Variants in MRE11 observed in about 807,000 individuals in gnomAD.
MRE11 encodes the protein double-strand break repair protein MRE11.
A neutral mutation model predicts 91.7 loss-of-function variants in MRE11; 62 were observed. The observed-to-expected ratio is 0.68, with a 90% CI of 0.55 to 0.84. MRE11 has a LOEUF of 0.84. MRE11 is among the 40% of genes least tolerant of loss of function. The pLI is 0.00. For missense variants in MRE11, 796 were observed against 852.9 expected, an observed-to-expected ratio of 0.93 and a Z score of 0.83; for synonymous variants, 273 against 271.4, an observed-to-expected ratio of 1.01 and a Z score of -0.06.
At chr11:94,466,865 C>T (rs13447637) in intron 10 of MRE11, among the ~76,000 whole-genome samples, 4,413 of 152,212 alleles carry the variant, frequency 0.029, 231 homozygotes, top group African/African-American at 0.1. Context: ...TCAGGGGACT[C>T]CTGGAGATAC....
chr11:94,462,743 C>T (rs1946454703), intron 11 of MRE11, among the ~76,000 whole-genome samples: 2 of 152,208 alleles, frequency 1.3e-5, no homozygotes, highest in Admixed American at 1.3e-4. Context: ...AAAGCTGAAA[C>T]TGGATCCCTT....
chr11:94,471,059 A>G (rs1278912364), intron 8 of MRE11, among the ~76,000 whole-genome samples: 3 of 152,056 alleles, frequency 2.0e-5, no homozygotes, highest in Non-Finnish European at 4.4e-5. Context: ...TTCTACTACC[A>G]TATTCTTTAA....
In MRE11 at chr11:94,430,485, C is replaced by CTT. The variant is rs56158500; in HGVS notation, c.1995-501_1995-500dup. Among the ~76,000 whole-genome samples, 17 of 143,942 alleles carry CTT rather than the reference C, an allele frequency of 1.2e-4. No homozygotes were observed. In the East Asian group the frequency reaches 1.2e-3, roughly 10 times the overall value. 94.4% of individuals were successfully genotyped at this position (143,942 alleles called of 152,430 possible). A position where few individuals can be genotyped will look rare whatever the true frequency, so the allele number is the denominator to read the frequency against. ...AATCATAATTCCTACTCTTTTTACT[C>CTT]TTTTTTTTTTTTTTGAGATGGAGTC... On this transcript the variant is annotated intron_variant, in intron 18 of 19. Transcript: ENST00000323929.
At chr11:94,468,975 G>A (rs1482217100) in intron 9 of MRE11, among the ~76,000 whole-genome samples, 2 of 152,106 alleles carry the variant, frequency 1.3e-5, no homozygotes, top group Non-Finnish European at 2.9e-5. Flanking sequence ...TGCTGAGACA[G>A]AAAAGTAAGA....
chr11:94,467,087 C>T (rs1426423055), intron 10 of MRE11, among the ~76,000 whole-genome samples: 1 of 152,122 alleles, frequency 6.6e-6, no homozygotes, highest in Non-Finnish European at 1.5e-5. Context: ...ATGGTGAAGT[C>T]AGAGCCTTGG....
At chr11:94,458,146 A>G (rs1209590879) in intron 13 of MRE11, among the ~76,000 whole-genome samples, 1 of 151,846 alleles carries the variant, frequency 6.6e-6, no homozygotes, top group Non-Finnish European at 1.5e-5. Flanking sequence ...CTTTAAGAGA[A>G]CCATGTTAAC....
At chr11:94,469,152 G>A (rs965322022) in intron 9 of MRE11, among the ~76,000 whole-genome samples, 7 of 152,104 alleles carry the variant, frequency 4.6e-5, no homozygotes, top group African/African-American at 7.2e-5. Context: ...TGTCACCAGC[G>A]TCTACTTTCC....
intron 14 of MRE11, 80 bp downstream of exon 14, chr11:94,456,196 A>G (rs902270084): frequency 3.3e-5 from 44 of 1,344,928 alleles, no homozygotes; most frequent in Non-Finnish European, 8.4e-6. Context: ...CTATGGACTG[A>G]CTATTCTAAC....
chr11:94,440,430 T>TA (rs34587826), intron 16 of MRE11, among the ~76,000 whole-genome samples: 69,385 of 145,482 alleles, frequency 0.48, 16,111 homozygotes, highest in South Asian at 0.57. Context: ...CTCAAACATT[T>TA]AAAAAAAAAA....
At chr11:94,502,191 T>C in the MRE11 span, among the ~76,000 whole-genome samples, 1 of 152,230 alleles carries the variant, frequency 6.6e-6, no homozygotes, top group Non-Finnish European at 1.5e-5. Flanking sequence ...TTATAGAACT[T>C]ACACGGATTG....
At chr11:94,424,029 C>T (rs1386658742) in intron 19 of MRE11, among the ~76,000 whole-genome samples, 1 of 152,204 alleles carries the variant, frequency 6.6e-6, no homozygotes, top group African/African-American at 2.4e-5. Flanking sequence ...AGACACCAAA[C>T]AACAGTAATG....
chr11:94,480,027 T>C (rs574579623), intron 4 of MRE11, among the ~76,000 whole-genome samples: 1 of 152,314 alleles, frequency 6.6e-6, no homozygotes, highest in Non-Finnish European at 1.5e-5. Flanking sequence ...ATCTAATTAA[T>C]GAAAAGTTAA....
At position 94,461,020 on chromosome 11, in the gene MRE11, A is replaced by G. The variant is rs1006733655; in HGVS notation, c.1242T>C (p.Phe414=). The change falls in exon 12 of 20, where the codon TTT becomes TTC. Residue 414 remains phenylalanine (F), a synonymous_variant. Coordinates refer to ENST00000323929, the MANE Select transcript of MRE11 (RefSeq NM_005591.4). ...QKEKTGEEIN[F]GKLITKPSEG... The stretch of plus-strand genomic sequence containing the variant: ...CTGAAGGCTTTGTGATAAGTTTCCC[A>G]AAGTTGATCTCTTCTCCTAGAAAAA... 2.5e-6 allele frequency: 4 copies of G among 1,613,174 alleles called. No individual in the cohort carries two copies. In the African/African-American group the frequency reaches 4.0e-5, roughly 16 times the overall value.
At chr11:94,488,695 T>C (rs971070077) in intron 3 of MRE11, among the ~76,000 whole-genome samples, 2 of 152,014 alleles carry the variant, frequency 1.3e-5, no homozygotes, top group Non-Finnish European at 2.9e-5. Context: ...AGCAAACTAA[T>C]GGAGGAACAG....
At chr11:94,456,437 CT>C in intron 13 of MRE11, 99 bp from the exon 14 acceptor site, 1 of 948,352 alleles carries the variant, frequency 1.1e-6, no homozygotes, top group Non-Finnish European at 1.6e-6. Flanking sequence ...TGTTATAAAA[CT>C]TGCAAATTTA....
Position 94,415,711 on chromosome 11 carries a change from T to A in MRE11, c.*4414A>T, listed in dbSNP as rs1945019963. The A allele has an allele frequency of 6.6e-6, 1 of 152,184 alleles. No individual in the cohort carries two copies. The highest frequency in any genetic ancestry group is 2.1e-4 in the South Asian group (1 of 4,826). The allele number at this position is 152,184 out of a possible 1,614,324, so 9.4% of individuals were successfully genotyped here. On this transcript the variant is annotated 3_prime_UTR_variant, in exon 20 of 20. Coordinates refer to ENST00000323929, the MANE Select transcript of MRE11 (RefSeq NM_005591.4). ...GTTTAATTAAGAGGTTGATAAAGCATATGTAGAAAAGTCAGAATGTCAAAA... is the reference window on the plus strand; with the variant it reads ...GTTTAATTAAGAGGTTGATAAAGCAAATGTAGAAAAGTCAGAATGTCAAAA...
intron 3 of MRE11, among the ~76,000 whole-genome samples, chr11:94,488,082 AG>A (rs889601467): frequency 1.9e-4 from 29 of 152,328 alleles, no homozygotes; most frequent in African/African-American, 6.0e-4. Flanking sequence ...TAAGGGACGC[AG>A]GGAAGAGAAA....
chr11:94,443,770 A>G (rs1291023989), intron 16 of MRE11, among the ~76,000 whole-genome samples: 1 of 152,204 alleles, frequency 6.6e-6, no homozygotes, highest in Non-Finnish European at 1.5e-5. Context: ...TAGAGAATCC[A>G]TAAGCCAAAA....
chr11:94,470,857 T>C (rs1470933962), intron 8 of MRE11, among the ~76,000 whole-genome samples: 1 of 152,086 alleles, frequency 6.6e-6, no homozygotes, highest in East Asian at 1.9e-4. Context: ...ACTCATCCAT[T>C]ATTATCCCTG....
Sources: allele counts gnomAD v4.1 joint callset (sites outside exome capture counted in the v4.1 genomes callset), GRCh38; gene constraint gnomAD v4.1.1; transcripts MANE v1.5; gene names NCBI Gene and HGNC (gene_info 2026-07-23, HGNC 2026-07-21).